Variants in DNAAF1 observed in about 807,000 individuals in gnomAD.
DNAAF1 encodes dynein axonemal assembly factor 1, also known as dynein assembly factor 1, axonemal.
In DNAAF1, 65 loss-of-function variants were observed where a neutral mutation model predicts 71.1. That is an observed-to-expected ratio of 0.91 (90% CI 0.75 to 1.12). DNAAF1 has a LOEUF of 1.12. DNAAF1 is among the 50% of genes most tolerant of loss of function. The pLI, the probability that DNAAF1 is intolerant of heterozygous loss-of-function variation, is 0.00. For missense variants in DNAAF1, 1,178 were observed against 899.8 expected (o/e 1.31, Z -3.96); for synonymous variants, 414 against 354.6 (o/e 1.17, Z -1.88).
chr16:84,154,231 C>T (rs1320768997), intron 3 of DNAAF1, among the ~76,000 whole-genome samples: 2 of 152,100 alleles, frequency 1.3e-5, no homozygotes, highest in South Asian at 4.1e-4. Context: ...CTAGGAAGTC[C>T]AAGGTCAAGC....
intron 9 of DNAAF1, 30 bp from the exon 10 acceptor site, chr16:84,174,639 T>G: frequency 6.2e-7 from 1 of 1,614,152 alleles, no homozygotes; most frequent in Middle Eastern, 1.6e-4. Flanking sequence ...TGTACCTCCC[T>G]GGTGATGTGC....
chr16:84,176,044 T>C lies in DNAAF1; in HGVS notation c.1810T>C (p.Ser604Pro), dbSNP rs767931712. ...VLENLPTDTL[S>P]NIFAVSKDTS... Reference sequence around the variant, plus strand: ...GGAAAACCTCCCCACAGACACTCTGTCAAATATATTTGCAGTCTCTAAAGA... The same window carrying C: ...GGAAAACCTCCCCACAGACACTCTGCCAAATATATTTGCAGTCTCTAAAGA... The change falls in exon 11 of 12, where the codon TCA becomes CCA. Residue 604 changes from serine (S) to proline (P), a missense_variant. Transcript: ENST00000378553. 4 of 1,614,114 alleles carry C rather than the reference T, an allele frequency of 2.5e-6. No homozygotes were observed. In the South Asian group the frequency reaches 4.4e-5, roughly 18 times the overall value.
At chr16:84,170,689 G>A (rs907436930) in intron 8 of DNAAF1, among the ~76,000 whole-genome samples, 2 of 152,102 alleles carry the variant, frequency 1.3e-5, no homozygotes, top group African/African-American at 4.8e-5. Flanking sequence ...AAAATTAGCT[G>A]GGAATTGTGG....
chr16:84,151,802 C>T (rs1041176159), intron 3 of DNAAF1, among the ~76,000 whole-genome samples: 1 of 152,194 alleles, frequency 6.6e-6, no homozygotes, highest in African/African-American at 2.4e-5. Flanking sequence ...GGCTCTAGGC[C>T]TCAGACCCTC....
At chr16:84,146,840 A>G (rs1195433817) in intron 1 of DNAAF1, among the ~76,000 whole-genome samples, 3 of 152,154 alleles carry the variant, frequency 2.0e-5, no homozygotes, top group Non-Finnish European at 4.4e-5. Flanking sequence ...ACATTAAAAA[A>G]CCACTTGATT....
At position 84,145,357 on chromosome 16, in the gene DNAAF1, C is replaced by CT. The variant is rs149813685; in HGVS notation, c.-83dup. 44,967 of 1,541,052 alleles carry CT rather than the reference C, an allele frequency of 0.029. 1,079 individuals are homozygous for CT. Among genetic ancestry groups the CT allele is most frequent in the African/African-American group, 0.12 (8,561 of 73,070 alleles). On this transcript the variant is annotated 5_prime_UTR_variant, in exon 1 of 12. Coordinates refer to ENST00000378553, the MANE Select transcript of DNAAF1 (RefSeq NM_178452.6). The stretch of plus-strand genomic sequence containing the variant: ...GGCGAAGAAGGAAAGAGGGTACTCT[C>CT]TGGCTGGGCTGGGGCCGTAGCGACG...
chr16:84,173,402 T>A (rs528346383), intron 9 of DNAAF1: 3 of 789,496 alleles, frequency 3.8e-6, no homozygotes, highest in Non-Finnish European at 4.6e-6. Flanking sequence ...AGGTGGAGCT[T>A]GCAGTGAGCC....
At chr16:84,173,470 G>GA in intron 9 of DNAAF1, 4 of 981,510 alleles carry the variant, frequency 4.1e-6, no homozygotes, top group Non-Finnish European at 4.8e-6. Context: ...TCTCAAAAAA[G>GA]AAAAAAAGAG....
At chr16:84,159,898 T>A in intron 6 of DNAAF1, 102 bp downstream of exon 6, 12 of 1,397,650 alleles carry the variant, frequency 8.6e-6, no homozygotes, top group African/African-American at 1.4e-5. Flanking sequence ...ATTTCACATA[T>A]CAAAAATGTT....
rs2087914862 is a variant in DNAAF1, at chr16:84,165,258, T to C, written c.864-525T>C. Reference sequence around the variant, plus strand: ...TTTTGAAATTGTGTCATCTTTTTATTAATGAGTTGTGAGGCTTATTTATAT... The same window carrying C: ...TTTTGAAATTGTGTCATCTTTTTATCAATGAGTTGTGAGGCTTATTTATAT... On this transcript the variant is annotated intron_variant, in intron 6 of 11. Coordinates refer to ENST00000378553, the MANE Select transcript of DNAAF1 (RefSeq NM_178452.6). Among the ~76,000 whole-genome samples, 5 of 152,220 alleles carry C rather than the reference T, an allele frequency of 3.3e-5. No homozygotes were observed. In the South Asian group the frequency reaches 1.0e-3, roughly 32 times the overall value.
At position 84,159,778 on chromosome 16, in the gene DNAAF1, C is replaced by G; in HGVS notation, c.845C>G (p.Pro282Arg). Residue 282 changes from proline to arginine, a missense_variant, in exon 6 of 12, where the codon CCA becomes CGA. Transcript: ENST00000378553. The stretch of plus-strand genomic sequence containing the variant: ...CACTTAACATACCTGGATGATAGAC[C>G]AGTGTTTCCAAAGGACAGGTAAGAA... ...LKHLTYLDDR[P>R]VFPKDRACAE... 1 of 1,613,806 alleles carries G rather than the reference C, an allele frequency of 6.2e-7. No homozygotes were observed. Among genetic ancestry groups the G allele is most frequent in the Non-Finnish European group, 8.5e-7 (1 of 1,179,848 alleles).
chr16:84,153,528 C>G lies in DNAAF1; in HGVS notation c.353-1049C>G, dbSNP rs79849235. 6.2e-4 allele frequency among the ~76,000 whole-genome samples: 94 copies of G among 152,246 alleles called. 2 individuals carry two copies. The highest frequency in any genetic ancestry group is 2.1e-3 in the African/African-American group (86 of 41,536). ...AAATATTACTTGTGCTTATAGCAAG[C>G]TTGGAAGGCGAGAGAGAAAAATGAA... On this transcript the variant is annotated intron_variant, in intron 3 of 11. Coordinates refer to ENST00000378553, the MANE Select transcript of DNAAF1 (RefSeq NM_178452.6).
chr16:84,174,864 C>A, intron 10 of DNAAF1, 142 bp downstream of exon 10: 2 of 1,165,012 alleles, frequency 1.7e-6, no homozygotes, highest in Non-Finnish European at 2.5e-6. Context: ...TTTTTCTTTT[C>A]TTTTCTTTTC....
intron 7 of DNAAF1, among the ~76,000 whole-genome samples, chr16:84,169,077 CTTTTTTTTTTTTTT>C (rs567267370): frequency 4.2e-5 from 3 of 71,188 alleles, no homozygotes; most frequent in Non-Finnish European, 7.7e-5. Context: ...CTCAAGGATA[CTTTTTTTTTTTTTT>C]TTTTTTTTTT....
chr16:84,156,851 C>CTTTTTTTT lies in DNAAF1; in HGVS notation c.741+1114_741+1121dup, dbSNP rs778916785. ...TTCCTTTCCTTTTCTTTCTTTCTTTCTTTTTTTTTTTTTTTTTTTGAGACA... is the reference window on the plus strand; with the variant it reads ...TTCCTTTCCTTTTCTTTCTTTCTTTCTTTTTTTTTTTTTTTTTTTTTTTTTTTGAGACA... On this transcript the variant is annotated intron_variant, in intron 5 of 11. Coordinates refer to ENST00000378553, the MANE Select transcript of DNAAF1 (RefSeq NM_178452.6). Among the ~76,000 whole-genome samples, 418 of 111,784 alleles carry CTTTTTTTT rather than the reference C, an allele frequency of 3.7e-3. 3 individuals are homozygous for CTTTTTTTT. The highest frequency in any genetic ancestry group is 9.9e-3 in the African/African-American group (276 of 27,754). The allele number at this position is 111,784 out of a possible 152,430, so 73.3% of individuals were successfully genotyped here. A position where few individuals can be genotyped will look rare whatever the true frequency, so the allele number is the denominator to read the frequency against.
In DNAAF1 at chr16:84,163,871, T is replaced by G. The variant is rs1472495627; in HGVS notation, c.864-1912T>G. The stretch of plus-strand genomic sequence containing the variant: ...AAAAATTAATAGACTTTTTTTTTTT[T>G]TTGTGGGGGACAGCGTTTTGCTCTG... On this transcript the variant is annotated intron_variant, in intron 6 of 11. Coordinates refer to ENST00000378553, the MANE Select transcript of DNAAF1 (RefSeq NM_178452.6). Among the ~76,000 whole-genome samples, 720 of 127,602 alleles carry G rather than the reference T, an allele frequency of 5.6e-3. 7 individuals are homozygous for G. The highest frequency in any genetic ancestry group is 0.019 in the African/African-American group (647 of 34,802). 83.7% of individuals were successfully genotyped at this position (127,602 alleles called of 152,430 possible).
At chr16:84,168,822 C>CCACACACACACACACACA (rs1352763766) in intron 7 of DNAAF1, among the ~76,000 whole-genome samples, 1 of 42,346 alleles carries the variant, frequency 2.4e-5, no homozygotes, top group East Asian at 9.7e-4. Flanking sequence ...TACACATTTG[C>CCACACACACACACACACA]CACATACACA....
chr16:84,149,347 C>G (rs180713651), intron 2 of DNAAF1, among the ~76,000 whole-genome samples: 1 of 152,168 alleles, frequency 6.6e-6, no homozygotes, highest in African/African-American at 2.4e-5. Context: ...CAGAGAGGAA[C>G]AGCAGTAGTT....
intron 1 of DNAAF1, among the ~76,000 whole-genome samples, chr16:84,148,596 C>CTCTTTTTTTTTTTTTTTTTTT: frequency 3.0e-4 from 13 of 43,578 alleles, no homozygotes; most frequent in African/African-American, 6.4e-4. Flanking sequence ...CTCTCTCTCT[C>CTCTTTTTTTTTTTTTTTTTTT]TTTTTTTTTT....
Sources: gnomAD v4.1 joint callset for allele counts (sites outside exome capture counted in the v4.1 genomes callset) on GRCh38, gnomAD v4.1.1 for gene constraint, MANE v1.5 for transcripts, NCBI Gene and HGNC (gene_info 2026-07-23, HGNC 2026-07-21) for gene names.